ZNF704: variants seen among roughly 807,000 people sequenced by gnomAD.
The protein encoded by ZNF704 is glucocorticoid induced gene 1.
ZNF704 carries 10 observed loss-of-function variants against 44.7 expected under a neutral mutation model. The observed-to-expected ratio is 0.22, with a 90% CI of 0.14 to 0.38. ZNF704 has a LOEUF of 0.38. Ranked by LOEUF, ZNF704 falls within the 10% of genes least tolerant of loss-of-function variation. ZNF704 has a pLI of 1.00. For missense variants in ZNF704, 390 were observed against 545.5 expected (o/e 0.71, Z 2.84); for synonymous variants, 211 against 207.6 (o/e 1.02, Z -0.14).
intron 7 of ZNF704, among the ~76,000 whole-genome samples, chr8:80,658,211 T>C (rs1208030652): frequency 6.6e-6 from 1 of 152,164 alleles, no homozygotes; most frequent in Non-Finnish European, 1.5e-5. Context: ...AGCAACATGG[T>C]GTATGCTTCC....
At chr8:80,746,197 C>T (rs1214266332) in intron 2 of ZNF704, among the ~76,000 whole-genome samples, 1 of 152,148 alleles carries the variant, frequency 6.6e-6, no homozygotes, top group African/African-American at 2.4e-5. Context: ...AAGAAAGTTG[C>T]TTACACAGGG....
chr8:80,754,142 TC>T (rs1413577440), intron 2 of ZNF704, among the ~76,000 whole-genome samples: 1 of 152,218 alleles, frequency 6.6e-6, no homozygotes, highest in Non-Finnish European at 1.5e-5. Context: ...TGTTTTTTTT[TC>T]CTTACAATTG....
At chr8:80,853,795 T>C (rs1808912656) in intron 1 of ZNF704, among the ~76,000 whole-genome samples, 1 of 152,102 alleles carries the variant, frequency 6.6e-6, no homozygotes, top group South Asian at 2.1e-4. Context: ...CTGGTACCAC[T>C]AATGATGATG....
At chr8:80,643,167 T>C (rs1046944571) in intron 7 of ZNF704, 38 bp from the exon 8 acceptor site, 2 of 1,510,506 alleles carry the variant, frequency 1.3e-6, no homozygotes, top group East Asian at 4.7e-5. Flanking sequence ...ATGGGGCAGG[T>C]TCTCCACCCA....
chr8:80,646,150 C>T (rs1232341970), intron 7 of ZNF704, among the ~76,000 whole-genome samples: 1 of 152,200 alleles, frequency 6.6e-6, no homozygotes, highest in Non-Finnish European at 1.5e-5. Flanking sequence ...CTAAGGTATT[C>T]TGTTATAGCA....
chr8:80,880,467 T>TC, the ZNF704 span, among the ~76,000 whole-genome samples: 1 of 152,214 alleles, frequency 6.6e-6, no homozygotes, highest in African/African-American at 2.4e-5. Flanking sequence ...ACATCTAACC[T>TC]CCCTACCCAA....
intron 1 of ZNF704, among the ~76,000 whole-genome samples, chr8:80,872,398 C>G (rs758024921): frequency 8.5e-5 from 13 of 152,202 alleles, no homozygotes; most frequent in Non-Finnish European, 1.8e-4. Flanking sequence ...TTCAACATTT[C>G]TTTGGAAATG....
At chr8:80,876,244 G>T (rs1267560473), upstream of ZNF704, among the ~76,000 whole-genome samples, 2 of 152,110 alleles carry the variant, frequency 1.3e-5, no homozygotes, top group African/African-American at 4.8e-5. Flanking sequence ...TAAATATTCT[G>T]TTCAGGAATT....
At chr8:80,666,256 T>C (rs1238290055) in intron 5 of ZNF704, among the ~76,000 whole-genome samples, 2 of 150,406 alleles carry the variant, frequency 1.3e-5, no homozygotes, top group African/African-American at 2.4e-5. Flanking sequence ...AGAATGATGA[T>C]TTCCAATTTC....
chr8:80,865,822 G>T (rs958000085), intron 1 of ZNF704, among the ~76,000 whole-genome samples: 2 of 152,062 alleles, frequency 1.3e-5, no homozygotes, highest in African/African-American at 4.8e-5. Flanking sequence ...CAACATGAAC[G>T]AACCCTCCTT....
At chr8:80,861,374 C>CT (rs113254692) in intron 1 of ZNF704, among the ~76,000 whole-genome samples, 1 of 152,002 alleles carries the variant, frequency 6.6e-6, no homozygotes, top group South Asian at 2.1e-4. Context: ...TCCTCCACTT[C>CT]TTTTTTTTCC....
chr8:80,697,836 G>A (rs1383658362), intron 2 of ZNF704, among the ~76,000 whole-genome samples: 2 of 152,202 alleles, frequency 1.3e-5, no homozygotes, highest in Non-Finnish European at 2.9e-5. Context: ...TGCTTTTCTT[G>A]TTCAGCACCA....
intron 2 of ZNF704, among the ~76,000 whole-genome samples, chr8:80,713,881 C>A (rs948492110): frequency 6.6e-6 from 1 of 152,150 alleles, no homozygotes; most frequent in South Asian, 2.1e-4. Flanking sequence ...TCTTCAGCAC[C>A]CCTCAGGCAT....
intron 1 of ZNF704, among the ~76,000 whole-genome samples, chr8:80,834,620 C>T (rs941604627): frequency 6.6e-6 from 1 of 152,080 alleles, no homozygotes; most frequent in Admixed American, 6.6e-5. Context: ...ACCTATCCGC[C>T]CGTCATCTAG....
chr8:80,731,904 T>A (rs1234807132), intron 2 of ZNF704, among the ~76,000 whole-genome samples: 1 of 152,228 alleles, frequency 6.6e-6, no homozygotes, highest in Non-Finnish European at 1.5e-5. Flanking sequence ...GAAACAAGAA[T>A]GAAACACAAA....
Position 80,731,960 on chromosome 8 carries a change from TA to T in ZNF704, c.222-38854del, listed in dbSNP as rs1415839503. 2.9e-4 allele frequency among the ~76,000 whole-genome samples: 44 copies of T among 152,266 alleles called. No homozygotes were observed. In the South Asian group the frequency reaches 8.3e-3, roughly 29 times the overall value. On this transcript the variant is annotated intron_variant, in intron 2 of 8. Coordinates refer to ENST00000327835, the MANE Select transcript of ZNF704 (RefSeq NM_001033723.3). ...ACATGAAGGTGAGACTTTTCCAAAA[TA>T]AAAATGAACAGCCATGTTCAAACTA...
intron 2 of ZNF704, among the ~76,000 whole-genome samples, chr8:80,738,739 G>C (rs978659222): frequency 2.0e-5 from 3 of 152,146 alleles, no homozygotes; most frequent in African/African-American, 7.2e-5. Flanking sequence ...TCCCAGATAT[G>C]TATCTGTCAC....
At chr8:80,706,136 C>G (rs759329773) in intron 2 of ZNF704, among the ~76,000 whole-genome samples, 1 of 148,684 alleles carries the variant, frequency 6.7e-6, no homozygotes, top group Non-Finnish European at 1.5e-5. Context: ...CTCACTCTTA[C>G]GTCTGTGTCC....
rs113844679 is a variant in ZNF704 at position 80,703,636 on chromosome 8, G to A, written c.222-10529C>T. On this transcript the variant is annotated intron_variant, in intron 2 of 8. Transcript: ENST00000327835. ...ACTACAGGCAAACGCCACCATGCCC[G>A]GCTAATTTTTTAAGTTTCTGTAGAG... 8.2e-4 allele frequency among the ~76,000 whole-genome samples: 125 copies of A among 152,018 alleles called. No homozygotes were observed. In the South Asian group the frequency reaches 0.023, roughly 28 times the overall value.
Sources: gnomAD v4.1 joint callset for allele counts (sites outside exome capture counted in the v4.1 genomes callset) on GRCh38, gnomAD v4.1.1 for gene constraint, MANE v1.5 for transcripts, NCBI Gene and HGNC (gene_info 2026-07-23, HGNC 2026-07-21) for gene names.